Variants in TRPC3 observed in about 807,000 individuals in gnomAD.
TRPC3 encodes the protein short transient receptor potential channel 3.
In TRPC3, 54 loss-of-function variants were observed where a neutral mutation model predicts 90.9. That is an observed-to-expected ratio of 0.59 (90% CI 0.48 to 0.75). The LOEUF (loss-of-function observed/expected upper bound fraction) is 0.75, where lower values mean the gene tolerates loss of function less well. TRPC3 is among the 30% of genes least tolerant of loss of function. TRPC3 has a pLI of 0.00. For missense variants in TRPC3, 918 were observed against 1,194.5 expected (o/e 0.77, Z 3.41); for synonymous variants, 424 against 450.9 (o/e 0.94, Z 0.75).
At chr4:121,913,131 C>T (rs926371492) in intron 4 of TRPC3, among the ~76,000 whole-genome samples, 3 of 152,116 alleles carry the variant, frequency 2.0e-5, no homozygotes, top group East Asian at 1.9e-4. Flanking sequence ...TGCACACAGA[C>T]GAATGTCACA....
At chr4:121,900,137 A>C (rs1464607118) in intron 9 of TRPC3, among the ~76,000 whole-genome samples, 2 of 152,318 alleles carry the variant, frequency 1.3e-5, no homozygotes, top group East Asian at 3.9e-4. Context: ...GCAGCCCTAA[A>C]ATATTAGCCA....
intron 9 of TRPC3, 103 bp downstream of exon 9, chr4:121,902,749 A>G: frequency 2.3e-6 from 2 of 856,548 alleles, no homozygotes; most frequent in Non-Finnish European, 3.6e-6. Context: ...TACTTTTAAC[A>G]TCTTCTAAGT....
chr4:121,903,140 A>G (rs879835057), intron 8 of TRPC3, 79 bp from the exon 9 acceptor site: 1 of 1,321,518 alleles, frequency 7.6e-7, no homozygotes, highest in Admixed American at 2.5e-5. Context: ...GTTTTTTACA[A>G]TGAATCTAAG....
chr4:121,879,618 C>T lies in TRPC3; in HGVS notation c.*118G>A. On this transcript the variant is annotated 3_prime_UTR_variant, in exon 12 of 12. Coordinates refer to ENST00000379645, the MANE Select transcript of TRPC3 (RefSeq NM_001130698.2). ...CATTAAGAGCTAACTTTTAAAGGTTCACATGATAAAGGTAGTTAATACTAA... is the reference window on the plus strand; with the variant it reads ...CATTAAGAGCTAACTTTTAAAGGTTTACATGATAAAGGTAGTTAATACTAA... 2.7e-6 allele frequency: 3 copies of T among 1,095,988 alleles called. No homozygotes were observed. The highest frequency in any genetic ancestry group is 3.9e-6 in the Non-Finnish European group (3 of 776,312). The allele number at this position is 1,095,988 out of a possible 1,614,324, so 67.9% of individuals were successfully genotyped here.
intron 7 of TRPC3, among the ~76,000 whole-genome samples, chr4:121,906,076 G>A (rs1171671405): frequency 6.6e-6 from 1 of 152,062 alleles, no homozygotes; most frequent in African/African-American, 2.4e-5. Context: ...GACACTGGCA[G>A]TTCTGAGCTC....
chr4:121,925,330 G>A, intron 2 of TRPC3, 124 bp from the exon 3 acceptor site: 2 of 1,046,124 alleles, frequency 1.9e-6, no homozygotes, highest in Non-Finnish European at 2.7e-6. Flanking sequence ...CCACCTGGAT[G>A]CAAGGCTTGT....
chr4:121,951,669 C>G lies in TRPC3; in HGVS notation c.12G>C (p.Lys4Asn), dbSNP rs1730767648. 3 of 1,335,860 alleles carry G rather than the reference C, an allele frequency of 2.2e-6. No individual in the cohort carries two copies. Among genetic ancestry groups the G allele is most frequent in the South Asian group, 2.1e-5 (1 of 48,694 alleles). 82.8% of individuals were successfully genotyped at this position (1,335,860 alleles called of 1,614,324 possible). The change falls in exon 1 of 12, where the codon AAG (lysine) becomes AAC (asparagine). Residue 4 changes from lysine (K) to asparagine (N), a missense_variant. By Grantham distance (94) the Lys-to-Asn change is moderately conservative. Transcript: ENST00000379645. This position sits in a 1 kb window ranked among gnomAD's most constrained non-coding sequence, Gnocchi z 4.4. Reference protein sequence around the residue: MSTKVRKCKEQARV... With the variant: MSTNVRKCKEQARV... ...TTGCTTGTTCTTTGCACTTCCTGACCTTGGTGGACATCGCGCCGGCTGCGG... is the reference window on the plus strand; with the variant it reads ...TTGCTTGTTCTTTGCACTTCCTGACGTTGGTGGACATCGCGCCGGCTGCGG...
At chr4:121,949,854 AC>A (rs1284069071) in intron 1 of TRPC3, among the ~76,000 whole-genome samples, 10 of 152,202 alleles carry the variant, frequency 6.6e-5, no homozygotes, top group African/African-American at 2.4e-4. Flanking sequence ...TGTGTAATTG[AC>A]CTCAAATTTC....
Position 121,878,924 on chromosome 4 carries a change from G to C in TRPC3, c.*812C>G, listed in dbSNP as rs1727845442. 1 of 152,106 alleles carries C rather than the reference G, an allele frequency of 6.6e-6. No homozygotes were observed. Among genetic ancestry groups the C allele is most frequent in the South Asian group, 2.1e-4 (1 of 4,824 alleles). The allele number at this position is 152,106 out of a possible 1,614,324, so 9.4% of individuals were successfully genotyped here. A position where few individuals can be genotyped will look rare whatever the true frequency, so the allele number is the denominator to read the frequency against. ...ATTAAAGCAGCAGAGGCAGAAATTA[G>C]ATGGTTATAACAAAATGACAACCCT... On this transcript the variant is annotated 3_prime_UTR_variant, in exon 12 of 12. Coordinates refer to ENST00000379645, the MANE Select transcript of TRPC3 (RefSeq NM_001130698.2).
At chr4:121,902,826 G>A (rs1728746749) in intron 9 of TRPC3, 26 bp downstream of exon 9, 1 of 1,496,658 alleles carries the variant, frequency 6.7e-7, no homozygotes, top group Non-Finnish European at 9.1e-7. Context: ...TTTATTTTAA[G>A]GTCTTGGTAA....
Position 121,932,384 on chromosome 4 carries a change from T to G in TRPC3, c.874A>C (p.Lys292Gln). 6.2e-7 allele frequency: 1 copy of G among 1,614,142 alleles called. No homozygotes were observed. The highest frequency in any genetic ancestry group is 8.5e-7 in the Non-Finnish European group (1 of 1,180,018). The change falls in exon 2 of 12, where the codon AAG becomes CAG. Residue 292 changes from lysine (K) to glutamine (Q), a missense_variant. This residue lies in a region of TRPC3 where 609 missense variants were observed against 725.9 expected (regional missense o/e 0.84). Transcript: ENST00000379645. The surrounding 1 kb of genome is among the most constrained non-coding windows in gnomAD (Gnocchi z 7.7). ...AGGTAAGCCGGGCTGGCCAGCCCCT[T>G]GTAGGCATTGATCCTCGAGCGTGAG... ...SHSRSRINAY[K>Q]GLASPAYLSL...
Position 121,914,803 on chromosome 4 carries a change from A to G in TRPC3, c.1318T>C (p.Tyr440His). 6.2e-7 allele frequency: 1 copy of G among 1,612,332 alleles called. No individual in the cohort carries two copies. The highest frequency in any genetic ancestry group is 1.1e-5 in the South Asian group (1 of 90,836). The change falls in exon 4 of 12, where the codon TAC becomes CAC. Residue 440 changes from tyrosine (Y) to histidine (H), a missense_variant. Coordinates refer to ENST00000379645, the MANE Select transcript of TRPC3 (RefSeq NM_001130698.2). ...ALGLPFLAIG[Y>H]WIAPCSRLGK... ...ACCCTGCTGCAAGGTGCGATCCAGTAGCCAATGGCCAGGAATGGAAGGCCC... is the reference window on the plus strand; with the variant it reads ...ACCCTGCTGCAAGGTGCGATCCAGTGGCCAATGGCCAGGAATGGAAGGCCC...
At chr4:121,929,910 C>T (rs952305505) in intron 2 of TRPC3, among the ~76,000 whole-genome samples, 5 of 151,888 alleles carry the variant, frequency 3.3e-5, no homozygotes, top group African/African-American at 1.2e-4. Context: ...AGCTCAAAGT[C>T]CCCATGGGAA....
intron 10 of TRPC3, among the ~76,000 whole-genome samples, chr4:121,889,955 T>C (rs768668525): frequency 2.0e-5 from 3 of 152,192 alleles, no homozygotes; most frequent in African/African-American, 2.4e-5. Context: ...GAAAGTATGG[T>C]TGTATATATA....
chr4:121,946,159 A>G (rs756822866), intron 1 of TRPC3, among the ~76,000 whole-genome samples: 4 of 152,184 alleles, frequency 2.6e-5, no homozygotes, highest in Non-Finnish European at 5.9e-5. Flanking sequence ...TGGTTAGGAA[A>G]ACTTCCCAGA....
In TRPC3 at chr4:121,904,487, C is replaced by A; in HGVS notation, c.2088G>T (p.Trp696Cys). Residue 696 changes from tryptophan to cysteine, a missense_variant, in exon 8 of 12, where the codon TGG becomes TGT. Trp to Cys is a radical substitution (Grantham distance 215). Coordinates refer to ENST00000379645, the MANE Select transcript of TRPC3 (RefSeq NM_001130698.2). ...TVEESFKTLF[W>C]SIFGLSEVTS... ...TCACTTCAGACAACCCAAATATTGA[C>A]CAAAATAAAGTCTTGAAACTTTCTT... 2 of 1,566,968 alleles carry A rather than the reference C, an allele frequency of 1.3e-6. No homozygotes were observed. Among genetic ancestry groups the A allele is most frequent in the Non-Finnish European group, 1.7e-6 (2 of 1,160,136 alleles).
At chr4:121,944,777 A>T (rs1289250472) in intron 1 of TRPC3, among the ~76,000 whole-genome samples, 2 of 152,216 alleles carry the variant, frequency 1.3e-5, no homozygotes, top group African/African-American at 4.8e-5. Context: ...AATTTAAATG[A>T]ATTAATTGGA....
At chr4:121,927,252 A>G (rs532811442) in intron 2 of TRPC3, among the ~76,000 whole-genome samples, 12 of 152,334 alleles carry the variant, frequency 7.9e-5, no homozygotes, top group Non-Finnish European at 1.2e-4. Context: ...ATGGACTGCC[A>G]TAAGGAAGTC....
chr4:121,932,920 T>C lies in TRPC3; in HGVS notation c.338A>G (p.Glu113Gly). ...NDRGTSLTAEEERFLDAAEYG... is the reference protein window; with the variant it reads ...NDRGTSLTAEGERFLDAAEYG... ...CTCGGCGGCGTCGAGGAAGCGCTCC[T>C]CCTCGGCGGTGAGGCTGGTGCCGCG... Residue 113 changes from glutamate (E) to glycine (G), a missense_variant, in exon 2 of 12, where the codon GAG becomes GGG. Physicochemically the swap from Glu to Gly is moderately conservative, Grantham distance 98. Coordinates refer to ENST00000379645, the MANE Select transcript of TRPC3 (RefSeq NM_001130698.2). The surrounding 1 kb of genome is among the most constrained non-coding windows in gnomAD (Gnocchi z 7.7). 2 of 1,614,024 alleles carry C rather than the reference T, an allele frequency of 1.2e-6. No individual in the cohort carries two copies. Among genetic ancestry groups the C allele is most frequent in the Middle Eastern group, 1.7e-4 (1 of 6,060 alleles).
Sources: allele counts gnomAD v4.1 joint callset (sites outside exome capture counted in the v4.1 genomes callset), GRCh38; gene constraint gnomAD v4.1.1; regional missense constraint gnomAD v4.1.1; non-coding constraint Gnocchi (gnomAD v3.1); transcripts MANE v1.5; gene names NCBI Gene and HGNC (gene_info 2026-07-23, HGNC 2026-07-21).